SLC16A12: variants seen among roughly 807,000 people sequenced by gnomAD.
SLC16A12 encodes monocarboxylate transporter 12.
In SLC16A12, 17 loss-of-function variants were observed where a neutral mutation model predicts 42.4. The observed-to-expected ratio is 0.40, with a 90% CI of 0.27 to 0.60. The LOEUF is 0.60. SLC16A12 is among the 20% of genes least tolerant of loss of function. The probability of loss-of-function intolerance (pLI) is 0.42; values close to 1 mark genes in which losing one functional copy is unlikely to be tolerated. For missense variants in SLC16A12, 544 were observed against 623.0 expected (o/e 0.87, Z 1.35); for synonymous variants, 224 against 229.4 (o/e 0.98, Z 0.21).
At chr10:89,534,199 G>T (rs2133875146) in intron 2 of SLC16A12, among the ~76,000 whole-genome samples, 1 of 152,230 alleles carries the variant, frequency 6.6e-6, no homozygotes, top group East Asian at 1.9e-4. Context: ...CAAACATCCG[G>T]TCACCTTGGG....
chr10:89,555,217 A>G (rs542924162), intron 2 of SLC16A12, among the ~76,000 whole-genome samples: 6 of 151,704 alleles, frequency 4.0e-5, no homozygotes. Context: ...TATATTGCTG[A>G]GGCTGAACTC....
rs560353827 is a variant in SLC16A12 at position 89,505,564 on chromosome 10, T to A, written c.-47+28937A>T. ...AACTGAGGTACCTGGTTCATCTCACTGGGACTGATTGGACAGTGGGTGCAG... is the reference window on the plus strand; with the variant it reads ...AACTGAGGTACCTGGTTCATCTCACAGGGACTGATTGGACAGTGGGTGCAG... On this transcript the variant is annotated intron_variant, in intron 2 of 7. Coordinates refer to ENST00000371790, the MANE Select transcript of SLC16A12 (RefSeq NM_213606.4). Among the ~76,000 whole-genome samples the A allele has an allele frequency of 2.0e-5, 3 of 152,104 alleles. No individual in the cohort carries two copies. The South Asian group carries it at 6.2e-4, about 32-fold the overall frequency.
intron 2 of SLC16A12, among the ~76,000 whole-genome samples, chr10:89,478,055 G>C (rs984494760): frequency 1.6e-4 from 25 of 152,154 alleles, no homozygotes; most frequent in African/African-American, 6.0e-4. Flanking sequence ...ACTATATCAT[G>C]ATAGTGTTGG....
intron 2 of SLC16A12, among the ~76,000 whole-genome samples, chr10:89,500,379 C>G (rs1842977585): frequency 6.6e-6 from 1 of 152,018 alleles, no homozygotes; most frequent in African/African-American, 2.4e-5. Flanking sequence ...AATATAGATG[C>G]TAAAAGCCTT....
At chr10:89,513,088 T>G (rs1190137969) in intron 2 of SLC16A12, among the ~76,000 whole-genome samples, 1 of 152,194 alleles carries the variant, frequency 6.6e-6, no homozygotes, top group Non-Finnish European at 1.5e-5. Context: ...AGTTTGTTTT[T>G]CCTATTGAGT....
Position 89,462,428 on chromosome 10 carries a change from T to G in SLC16A12, c.151A>C (p.Ile51Leu). The change falls in exon 3 of 8, where the codon ATT becomes CTT. Residue 51 changes from isoleucine to leucine, a missense_variant. Coordinates refer to ENST00000371790, the MANE Select transcript of SLC16A12 (RefSeq NM_213606.4). ...GTAACAAGGAAACAGCCAGCCACAATCATCCAGCCCCAGCCTCCATCTGGA... is the reference window on the plus strand; with the variant it reads ...GTAACAAGGAAACAGCCAGCCACAAGCATCCAGCCCCAGCCTCCATCTGGA... ...SPPDGGWGWM[I>L]VAGCFLVTIC... 6.2e-7 allele frequency: 1 copy of G among 1,614,070 alleles called. No homozygotes were observed. Among genetic ancestry groups the G allele is most frequent in the Middle Eastern group, 1.7e-4 (1 of 6,056 alleles).
intron 1 of SLC16A12, among the ~76,000 whole-genome samples, chr10:89,535,193 C>T (rs1843633532): frequency 6.6e-6 from 1 of 151,956 alleles, no homozygotes; most frequent in Non-Finnish European, 1.5e-5. Context: ...ATCAAAGCCG[C>T]TCGTTCTCCA....
intron 2 of SLC16A12, among the ~76,000 whole-genome samples, chr10:89,501,901 T>A (rs1842996096): frequency 6.6e-6 from 1 of 152,228 alleles, no homozygotes; most frequent in Non-Finnish European, 1.5e-5. Flanking sequence ...GCCTATGTTA[T>A]TTCATGGCTG....
intron 2 of SLC16A12, among the ~76,000 whole-genome samples, chr10:89,488,456 A>G (rs1842796753): frequency 6.6e-6 from 1 of 152,150 alleles, no homozygotes; most frequent in Admixed American, 6.5e-5. Flanking sequence ...GCAGAATTTC[A>G]TTTTCCTTTC....
At chr10:89,449,928 C>A (rs1842065529) in intron 3 of SLC16A12, among the ~76,000 whole-genome samples, 1 of 152,172 alleles carries the variant, frequency 6.6e-6, no homozygotes, top group South Asian at 2.1e-4. Flanking sequence ...AATCAAACAA[C>A]CCCATCAAAA....
intron 2 of SLC16A12, among the ~76,000 whole-genome samples, chr10:89,493,533 T>G (rs914664538): frequency 2.6e-5 from 4 of 152,218 alleles, no homozygotes; most frequent in African/African-American, 9.6e-5. Context: ...TGTCTGTCAC[T>G]TGCACCCTAA....
chr10:89,462,230 T>C (rs1842311925), intron 3 of SLC16A12, 149 bp downstream of exon 3: 1 of 1,077,022 alleles, frequency 9.3e-7, no homozygotes, highest in Non-Finnish European at 1.3e-6. Context: ...GCAAAGAAAA[T>C]GATACCTGAA....
chr10:89,456,728 T>G (rs1022141632), intron 3 of SLC16A12, among the ~76,000 whole-genome samples: 2 of 151,890 alleles, frequency 1.3e-5, no homozygotes, highest in African/African-American at 4.8e-5. Context: ...CAGGCCCCAG[T>G]GTGTGTTGCT....
In SLC16A12 at chr10:89,497,268, T is replaced by A. The variant is rs1001055295; in HGVS notation, c.-46-34644A>T. 2.0e-5 allele frequency among the ~76,000 whole-genome samples: 3 copies of A among 152,198 alleles called. No individual in the cohort carries two copies. The South Asian group carries it at 6.2e-4, about 31-fold the overall frequency. ...TATTAATTAAACACATATACACACA[T>A]GAGATATCACTACAAACACATCAGA... is the stretch of plus-strand genomic sequence containing the variant. On this transcript the variant is annotated intron_variant, in intron 2 of 7. Coordinates refer to ENST00000371790, the MANE Select transcript of SLC16A12 (RefSeq NM_213606.4).
intron 2 of SLC16A12, among the ~76,000 whole-genome samples, chr10:89,479,119 A>G (rs1314101558): frequency 2.0e-5 from 3 of 152,212 alleles, no homozygotes; most frequent in Non-Finnish European, 4.4e-5. Context: ...TATCTGCAGG[A>G]TAGCCGCATG....
chr10:89,436,289 G>A lies in SLC16A12; in HGVS notation c.1059C>T (p.Tyr353=), dbSNP rs1841785258. The change falls in exon 7 of 8, where the codon TAC becomes TAT. Residue 353 remains tyrosine, a synonymous_variant. Coordinates refer to ENST00000371790, the MANE Select transcript of SLC16A12 (RefSeq NM_213606.4). ...RCLKNYQYVC[Y]LFAVGMDGLC... is the part of the protein sequence containing the mutation. Reference sequence around the variant, plus strand: ...GCCCATCCATTCCCACGGCAAAGAGGTAGCAAACATACTGGTAATTCTTCA... The same window carrying A: ...GCCCATCCATTCCCACGGCAAAGAGATAGCAAACATACTGGTAATTCTTCA... The A allele has an allele frequency of 2.5e-6, 4 of 1,613,952 alleles. No individual in the cohort carries two copies. The highest frequency in any genetic ancestry group is 1.3e-5 in the African/African-American group (1 of 74,910).
At chr10:89,483,893 T>A (rs1842708771) in intron 2 of SLC16A12, among the ~76,000 whole-genome samples, 1 of 152,224 alleles carries the variant, frequency 6.6e-6, no homozygotes, top group South Asian at 2.1e-4. Context: ...GATACATGTA[T>A]TATAATGCTG....
At chr10:89,544,236 G>T (rs1227430389) in intron 2 of SLC16A12, among the ~76,000 whole-genome samples, 1 of 152,218 alleles carries the variant, frequency 6.6e-6, no homozygotes, top group African/African-American at 2.4e-5. Context: ...GTGGTTCTCT[G>T]ACCGTCTAAG....
At chr10:89,439,241 C>T in intron 5 of SLC16A12, 58 bp from the exon 6 acceptor site, 1 of 1,500,362 alleles carries the variant, frequency 6.7e-7, no homozygotes, top group Admixed American at 1.7e-5. Flanking sequence ...AATGATATCT[C>T]AGAATACAAT....
Sources: gnomAD v4.1 joint callset for allele counts (sites outside exome capture counted in the v4.1 genomes callset) on GRCh38, gnomAD v4.1.1 for gene constraint, MANE v1.5 for transcripts, NCBI Gene and HGNC (gene_info 2026-07-23, HGNC 2026-07-21) for gene names.